Variants in PTPRD observed in about 807,000 individuals in gnomAD.
The protein encoded by PTPRD is receptor-type tyrosine-protein phosphatase delta.
PTPRD carries 34 observed loss-of-function variants against 214.5 expected under a neutral mutation model. The observed-to-expected ratio is 0.16, with a 90% CI of 0.12 to 0.21. The LOEUF (loss-of-function observed/expected upper bound fraction) is 0.21, where lower values mean the gene tolerates loss of function less well. PTPRD is among the 10% of genes least tolerant of loss of function. PTPRD has a pLI of 1.00. For synonymous variants in PTPRD, 1,128 were observed against 845.7 expected (o/e 1.33, Z -5.79); for missense variants, 2,545 against 2,398.7 (o/e 1.06, Z -1.27).
chr9:8,484,469 G>GTA, intron 29 of PTPRD, 91 bp from the exon 30 acceptor site: 1 of 1,264,442 alleles, frequency 7.9e-7, no homozygotes, highest in South Asian at 1.6e-5. Flanking sequence ...TTTGGAAAAT[G>GTA]TATATATAGT....
chr9:9,991,673 T>C (rs759840977), intron 4 of PTPRD, among the ~76,000 whole-genome samples: 1 of 152,154 alleles, frequency 6.6e-6, no homozygotes, highest in Non-Finnish European at 1.5e-5. Context: ...GCCCAAAATA[T>C]ACTTTTAAAA....
chr9:8,899,748 C>T (rs1231673436), intron 11 of PTPRD, among the ~76,000 whole-genome samples: 1 of 152,300 alleles, frequency 6.6e-6, no homozygotes, highest in East Asian at 1.9e-4. Context: ...TGCTAAATTT[C>T]GCCCAGATGC....
chr9:8,376,952 T>G (rs2083428353), intron 37 of PTPRD, among the ~76,000 whole-genome samples: 1 of 152,228 alleles, frequency 6.6e-6, no homozygotes, highest in African/African-American at 2.4e-5. Context: ...CAGATTCAAT[T>G]TTCCTGGAGA....
chr9:9,103,012 G>A (rs2099793418), intron 10 of PTPRD, among the ~76,000 whole-genome samples: 1 of 152,062 alleles, frequency 6.6e-6, no homozygotes, highest in Non-Finnish European at 1.5e-5. Flanking sequence ...ATACTGCATT[G>A]TCCTGGCTCT....
At chr9:8,569,909 G>T (rs982163354) in intron 14 of PTPRD, among the ~76,000 whole-genome samples, 8 of 152,186 alleles carry the variant, frequency 5.3e-5, no homozygotes, top group African/African-American at 1.9e-4. Context: ...GAAAGTTTCA[G>T]ATTTGGGAAA....
At chr9:9,382,745 G>C (rs1304669952) in intron 9 of PTPRD, among the ~76,000 whole-genome samples, 1 of 152,002 alleles carries the variant, frequency 6.6e-6, no homozygotes, top group African/African-American at 2.4e-5. Flanking sequence ...ACATTATGCA[G>C]TTTCCTTAAA....
rs150793833 is a variant in PTPRD at position 8,416,253 on chromosome 9, T to C, written c.4087-11593A>G. On this transcript the variant is annotated intron_variant, in intron 35 of 45. Coordinates refer to ENST00000381196, the MANE Select transcript of PTPRD (RefSeq NM_002839.4). ...CTGTTAAAGAAAAAACATGAAACAG[T>C]ACTTTTGTTAAAATATATACATATG... Among the ~76,000 whole-genome samples, 553 of 152,240 alleles carry C rather than the reference T, an allele frequency of 3.6e-3. 2 individuals carry two copies. Among genetic ancestry groups the C allele is most frequent in the African/African-American group, 0.013 (530 of 41,548 alleles).
intron 2 of PTPRD, among the ~76,000 whole-genome samples, chr9:10,575,872 C>A (rs1444621058): frequency 6.6e-6 from 1 of 152,104 alleles, no homozygotes. Context: ...CATTTTCTTT[C>A]TGCTAATTCC....
rs1195271322 is a variant in PTPRD, at chr9:8,319,956, C to T, written c.5545G>A (p.Gly1849Arg). Residue 1849 changes from glycine to arginine, a missense_variant, in exon 45 of 46, where the codon GGA becomes AGA. By Grantham distance (125) the Gly-to-Arg change is moderately radical. Coordinates refer to ENST00000381196, the MANE Select transcript of PTPRD (RefSeq NM_002839.4). ...AGCGTTATGAAGACTCCAGTTCTTC[C>T]AACGCCCGCGCTGCCACAATAACAA... The part of the protein sequence containing the change: ...PISVHCSAGV[G>R]RTGVFITLSI... The T allele has an allele frequency of 6.2e-7, 1 of 1,611,704 alleles. No individual in the cohort carries two copies. The highest frequency in any genetic ancestry group is 8.5e-7 in the Non-Finnish European group (1 of 1,179,024).
chr9:9,910,978 G>A (rs1284631935), intron 5 of PTPRD, among the ~76,000 whole-genome samples: 2 of 139,288 alleles, frequency 1.4e-5, no homozygotes, highest in Non-Finnish European at 3.1e-5. Flanking sequence ...CTTTGGTTTG[G>A]TGTCTAGTTT....
At chr9:9,940,816 CA>C (rs1418851881) in intron 4 of PTPRD, among the ~76,000 whole-genome samples, 2 of 152,150 alleles carry the variant, frequency 1.3e-5, no homozygotes, top group Non-Finnish European at 2.9e-5. Context: ...TCCTACATTT[CA>C]ACCCTGATTT....
At chr9:9,573,069 T>C (rs2087051388) in intron 8 of PTPRD, among the ~76,000 whole-genome samples, 2 of 151,636 alleles carry the variant, frequency 1.3e-5, no homozygotes, top group Non-Finnish European at 1.5e-5. Context: ...ATCAACACTA[T>C]TGATAAAGCC....
At chr9:9,166,381 A>T (rs963088979) in intron 10 of PTPRD, among the ~76,000 whole-genome samples, 15 of 152,026 alleles carry the variant, frequency 9.9e-5, no homozygotes, top group African/African-American at 3.6e-4. Flanking sequence ...ATCCACAGAG[A>T]GCTCTCTTCT....
At chr9:9,578,392 G>A (rs2089690462) in intron 7 of PTPRD, among the ~76,000 whole-genome samples, 2 of 151,936 alleles carry the variant, frequency 1.3e-5, no homozygotes, top group South Asian at 4.1e-4. Context: ...TCATGAAATT[G>A]GCATCTTAGA....
At chr9:8,500,586 A>AAAAAAAAAAAAAAAAAT in intron 24 of PTPRD, among the ~76,000 whole-genome samples, 168 bp downstream of exon 24, 1 of 148,238 alleles carries the variant, frequency 6.7e-6, no homozygotes. Flanking sequence ...AAAAAAAAAA[A>AAAAAAAAAAAAAAAAAT]AAAAGGCCAG....
At chr9:9,422,928 T>G (rs1242246424) in intron 8 of PTPRD, among the ~76,000 whole-genome samples, 3 of 152,114 alleles carry the variant, frequency 2.0e-5, no homozygotes, top group African/African-American at 4.8e-5. Flanking sequence ...AAAATTAGAT[T>G]TGAGAGCCCA....
intron 7 of PTPRD, among the ~76,000 whole-genome samples, chr9:9,605,802 TA>T (rs1365510897): frequency 7.2e-5 from 11 of 152,086 alleles, no homozygotes; most frequent in African/African-American, 2.7e-4. Context: ...TTCTGGTAAT[TA>T]AACTTTCTTG....
chr9:9,832,891 A>G (rs1431375197), intron 5 of PTPRD, among the ~76,000 whole-genome samples: 1 of 142,162 alleles, frequency 7.0e-6, no homozygotes, highest in Non-Finnish European at 1.5e-5. Context: ...CTTTTTTTCT[A>G]TGTTTTTTTT....
intron 45 of PTPRD, among the ~76,000 whole-genome samples, chr9:8,319,123 T>C (rs964558215): frequency 6.6e-6 from 1 of 152,068 alleles, no homozygotes; most frequent in Admixed American, 6.6e-5. Context: ...AGCCAAACAC[T>C]TGCACTACTT....
Sources: allele counts gnomAD v4.1 joint callset (sites outside exome capture counted in the v4.1 genomes callset), GRCh38; gene constraint gnomAD v4.1.1; transcripts MANE v1.5; gene names NCBI Gene and HGNC (gene_info 2026-07-23, HGNC 2026-07-21).